Variants in RAI14 observed in about 807,000 individuals in gnomAD.
The protein encoded by RAI14 is ankycorbin.
A neutral mutation model predicts 115.4 loss-of-function variants in RAI14; 45 were observed. The observed-to-expected ratio is 0.39, with a 90% CI of 0.31 to 0.50. The LOEUF (loss-of-function observed/expected upper bound fraction) is 0.50, where lower values mean the gene tolerates loss of function less well. Ranked by LOEUF, RAI14 falls within the 20% of genes least tolerant of loss-of-function variation. The pLI is 0.85. For missense variants in RAI14, 939 were observed against 1,131.2 expected (o/e 0.83, Z 2.44); for synonymous variants, 371 against 415.4 (o/e 0.89, Z 1.30).
At chr5:34,793,276 A>G (rs375607799) in intron 3 of RAI14, among the ~76,000 whole-genome samples, 26 of 152,344 alleles carry the variant, frequency 1.7e-4, no homozygotes, top group East Asian at 1.2e-3. Flanking sequence ...TTTGTAGAAT[A>G]TCATAACACG....
chr5:34,816,617 G>A (rs6451170), intron 12 of RAI14, among the ~76,000 whole-genome samples: 88,764 of 151,772 alleles, frequency 0.58, 26,206 homozygotes, highest in Admixed American at 0.65. Context: ...ATGAAATTTC[G>A]ATATTTTATA....
At chr5:34,746,089 C>CCA in intron 2 of RAI14, among the ~76,000 whole-genome samples, 1 of 86,460 alleles carries the variant, frequency 1.2e-5, no homozygotes, top group Non-Finnish European at 2.3e-5. Flanking sequence ...TACACCACCC[C>CCA]CTCCCCCCCC....
intron 3 of RAI14, among the ~76,000 whole-genome samples, chr5:34,790,603 G>C (rs368234097): frequency 6.6e-6 from 1 of 151,898 alleles, no homozygotes; most frequent in Non-Finnish European, 1.5e-5. Context: ...AAGAGTTAGA[G>C]CAAGCAATAG....
In RAI14 at chr5:34,698,535, C is replaced by T. The variant is rs908799946; in HGVS notation, c.36+11580C>T. Among the ~76,000 whole-genome samples, 18 of 152,066 alleles carry T rather than the reference C, an allele frequency of 1.2e-4. No homozygotes were observed. The East Asian group carries it at 2.3e-3, about 20-fold the overall frequency. On this transcript the variant is annotated intron_variant, in intron 2 of 17. Transcript: ENST00000265109. ...ACTCTGGTGTGTGGCCATTCAACAT[C>T]GCAGGAGTTTAGAGAAGACTTCATA...
In RAI14 at chr5:34,821,777, A is replaced by G; in HGVS notation, c.1040A>G (p.Asp347Gly). The G allele has an allele frequency of 6.2e-7, 1 of 1,612,836 alleles. No individual in the cohort carries two copies. The highest frequency in any genetic ancestry group is 8.5e-7 in the Non-Finnish European group (1 of 1,179,254). ...ATAAGTTCTGAAGCTGACCAACAAG[A>G]TCTTCTCTCTCTATTGCAAGCAAAA... The part of the protein sequence containing the change: ...LDISSEADQQ[D>G]LLSLLQAKVA... The change falls in exon 14 of 18, where the codon GAT becomes GGT. Residue 347 changes from aspartate to glycine, a missense_variant. By Grantham distance (94) the Asp-to-Gly change is moderately conservative. Coordinates refer to ENST00000265109, the MANE Select transcript of RAI14 (RefSeq NM_015577.3).
At chr5:34,774,010 T>C (rs1001439492) in intron 3 of RAI14, among the ~76,000 whole-genome samples, 2 of 152,152 alleles carry the variant, frequency 1.3e-5, no homozygotes, top group African/African-American at 2.4e-5. Flanking sequence ...GCAGATGATA[T>C]GATTTTATAT....
intron 3 of RAI14, 33 bp downstream of exon 3, chr5:34,757,631 G>A (rs1329586905): frequency 5.1e-6 from 8 of 1,571,972 alleles, no homozygotes; most frequent in Non-Finnish European, 1.7e-6. Flanking sequence ...AGATATGCTG[G>A]TTCTGGGTTT....
chr5:34,752,703 A>ATGTGTGTGTGTGTGTGTGTGTG (rs71600953), intron 2 of RAI14, among the ~76,000 whole-genome samples: 2 of 83,012 alleles, frequency 2.4e-5, no homozygotes, highest in Non-Finnish European at 4.6e-5. Context: ...TCTTACATAT[A>ATGTGTGTGTGTGTGTGTGTGTG]TGTGTGTGTG....
chr5:34,727,863 ATAAATGTGGAGT>A (rs1459243624), intron 2 of RAI14, among the ~76,000 whole-genome samples: 1 of 152,194 alleles, frequency 6.6e-6, no homozygotes, highest in Non-Finnish European at 1.5e-5. Context: ...ACTGTGGAAG[ATAAATGTGGAGT>A]GCGAACCCCC....
At chr5:34,799,514 ACACACACACACACACACACACACAC>A (rs1234877715) in intron 4 of RAI14, among the ~76,000 whole-genome samples, 1 of 107,176 alleles carries the variant, frequency 9.3e-6, no homozygotes, top group Non-Finnish European at 2.2e-5. Flanking sequence ...ACACACACAC[ACACACACACACACACACACACACAC>A]AAAACCACCT....
At chr5:34,808,935 G>T (rs1213060563) in intron 7 of RAI14, among the ~76,000 whole-genome samples, 1 of 152,152 alleles carries the variant, frequency 6.6e-6, no homozygotes, top group African/African-American at 2.4e-5. Context: ...CAGTACTGCT[G>T]CTGATCTTAT....
chr5:34,779,628 A>C (rs1751353884), intron 3 of RAI14, among the ~76,000 whole-genome samples: 1 of 152,214 alleles, frequency 6.6e-6, no homozygotes, highest in Admixed American at 6.5e-5. Flanking sequence ...AATTGCTTCA[A>C]AGAGAATAAA....
intron 2 of RAI14, among the ~76,000 whole-genome samples, chr5:34,756,479 T>A (rs1008379832): frequency 3.3e-5 from 5 of 152,160 alleles, no homozygotes; most frequent in African/African-American, 7.2e-5. Context: ...AAAGTGGGCT[T>A]AGCTCAGGGG....
intron 3 of RAI14, among the ~76,000 whole-genome samples, chr5:34,767,771 G>A (rs1279747394): frequency 1.3e-5 from 2 of 151,908 alleles, no homozygotes; most frequent in Non-Finnish European, 1.5e-5. Flanking sequence ...GGTTTCCTAC[G>A]TACTTGTCTG....
In RAI14 at chr5:34,665,172, T is replaced by TAC. The variant is rs372105169; in HGVS notation, c.-49+8703_-49+8704dup. Among the ~76,000 whole-genome samples the TAC allele has an allele frequency of 1.3e-4, 2 of 15,182 alleles. 1 individual carries two copies. The highest frequency in any genetic ancestry group is 2.6e-3 in the East Asian group (2 of 774). 10.0% of individuals were successfully genotyped at this position (15,182 alleles called of 152,430 possible). On this transcript the variant is annotated intron_variant, in intron 1 of 17. Coordinates refer to ENST00000265109, the MANE Select transcript of RAI14 (RefSeq NM_015577.3). ...ATATATGTGTGTGTATATATATATATACACACATATATATATGTATATATA... is the reference window on the plus strand; with the variant it reads ...ATATATGTGTGTGTATATATATATATACACACACATATATATATGTATATATA...
At chr5:34,798,985 T>C (rs2150217978) in intron 4 of RAI14, among the ~76,000 whole-genome samples, 1 of 152,334 alleles carries the variant, frequency 6.6e-6, no homozygotes, top group Admixed American at 6.5e-5. Context: ...CTTCATCGTT[T>C]TATTTTGGCC....
intron 1 of RAI14, among the ~76,000 whole-genome samples, chr5:34,681,022 C>CAGA (rs1370156501): frequency 6.6e-6 from 1 of 152,110 alleles, no homozygotes; most frequent in Non-Finnish European, 1.5e-5. Context: ...TATGTTCTTC[C>CAGA]AGAAGCAGCA....
intron 2 of RAI14, chr5:34,688,195 C>T (rs1306495247): frequency 8.3e-5 from 128 of 1,550,548 alleles, no homozygotes; most frequent in Non-Finnish European, 1.1e-4. Context: ...CGTCTGCTGG[C>T]TGTATGTTAT....
At chr5:34,765,093 A>G (rs1268235609) in intron 3 of RAI14, among the ~76,000 whole-genome samples, 2 of 152,208 alleles carry the variant, frequency 1.3e-5, no homozygotes, top group Admixed American at 6.5e-5. Context: ...ACTTTCTGCC[A>G]TGATTCTGAG....
Sources: allele counts gnomAD v4.1 joint callset (sites outside exome capture counted in the v4.1 genomes callset), GRCh38; gene constraint gnomAD v4.1.1; transcripts MANE v1.5; gene names NCBI Gene and HGNC (gene_info 2026-07-23, HGNC 2026-07-21).